The following DNAH1 variants were observed in gnomAD, a reference collection of about 807,000 sequenced individuals.
DNAH1 encodes dynein axonemal heavy chain 1, also known as axonemal beta dynein heavy chain 1.
A neutral mutation model predicts 484.3 loss-of-function variants in DNAH1; 327 were observed. That is an observed-to-expected ratio of 0.68 (90% confidence interval 0.62 to 0.74). The LOEUF (loss-of-function observed/expected upper bound fraction) is 0.74. Among genes scored for constraint, DNAH1 ranks in the 30% least tolerant of loss-of-function variants. DNAH1 has a pLI of 0.00. For missense variants in DNAH1, 5,052 were observed against 5,546.8 expected (o/e 0.91, Z 2.83); for synonymous variants, 2,192 against 2,191.9 (o/e 1.00, Z 0.00).
intron 12 of DNAH1, 30 bp downstream of exon 12, chr3:52,348,004 G>A: frequency 1.3e-6 from 2 of 1,582,924 alleles, no homozygotes; most frequent in Non-Finnish European, 1.7e-6. Context: ...CAGGCCCCAG[G>A]CACCTGCTGC....
At chr3:52,333,165 C>T (rs1701615763) in intron 8 of DNAH1, among the ~76,000 whole-genome samples, 1 of 152,158 alleles carries the variant, frequency 6.6e-6, no homozygotes, top group Non-Finnish European at 1.5e-5. Flanking sequence ...GGATTATAGG[C>T]ATGAGCCATC....
At chr3:52,316,026 C>T (rs1004797371), upstream of DNAH1, among the ~76,000 whole-genome samples, 1 of 152,200 alleles carries the variant, frequency 6.6e-6, no homozygotes, top group African/African-American at 2.4e-5. Context: ...CAGCAGTGAC[C>T]ATCACATGGT....
Position 52,357,943 on chromosome 3 carries a change from G to C in DNAH1, c.4026G>C (p.Gln1342His), listed in dbSNP as rs750380752. Residue 1342 changes from glutamine (Q) to histidine (H), a missense_variant, in exon 24 of 78, where the codon CAG becomes CAC. Transcript: ENST00000420323. ...ATGAACTACTAGAGATCTTGTCGCA[G>C]ACAAAGGACCCCACGGCCGTGCAGC... ...SDDELLEILS[Q>H]TKDPTAVQPH... 147 of 1,613,276 alleles carry C rather than the reference G, an allele frequency of 9.1e-5. 1 individual carries two copies. In the South Asian group the frequency reaches 1.5e-3, roughly 17 times the overall value.
chr3:52,383,658 C>A, intron 51 of DNAH1, 64 bp downstream of exon 51: 1 of 1,471,984 alleles, frequency 6.8e-7, no homozygotes, highest in Non-Finnish European at 9.0e-7. Context: ...TGGGCTGGCC[C>A]CGGGGACACT....
chr3:52,355,620 G>A lies in DNAH1; in HGVS notation c.3693+565G>A, dbSNP rs905051543. Among the ~76,000 whole-genome samples, 1 of 152,210 alleles carries A rather than the reference G, an allele frequency of 6.6e-6. No individual in the cohort carries two copies. Among genetic ancestry groups the A allele is most frequent in the Non-Finnish European group, 1.5e-5 (1 of 68,018 alleles). ...CTGCAGGTGTGATATCCCCTTCCCC[G>A]GGCCTCCCTGATAGCTGCTCAGAGA... On this transcript the variant is annotated intron_variant, in intron 21 of 77. Coordinates refer to ENST00000420323, the MANE Select transcript of DNAH1 (RefSeq NM_015512.5). This position sits in a 1 kb window ranked among gnomAD's most constrained non-coding sequence, Gnocchi z 4.5.
In DNAH1 at chr3:52,345,504, G is replaced by A. The variant is rs1168596096; in HGVS notation, c.1454G>A (p.Ser485Asn). 1.3e-6 allele frequency: 2 copies of A among 1,564,308 alleles called. No individual in the cohort carries two copies. The highest frequency in any genetic ancestry group is 1.7e-6 in the Non-Finnish European group (2 of 1,153,770). ...EEQVPERGLV[S>N]VPKYHFWEQK... ...GCCCCTATCCCTGCAGGGCTGGTGA[G>A]TGTCCCCAAGTACCACTTCTGGGAG... The change falls in exon 10 of 78, where the codon AGT becomes AAT. Residue 485 changes from serine to asparagine, a missense_variant. Physicochemically the swap from Ser to Asn is conservative, Grantham distance 46. This residue lies in a region of DNAH1 where 1,263 missense variants were observed against 1,218.8 expected (regional missense o/e 1.04). Transcript: ENST00000420323.
chr3:52,389,436 G>A (rs772327472), intron 59 of DNAH1, 25 bp from the exon 60 acceptor site: 16 of 1,611,054 alleles, frequency 9.9e-6, no homozygotes, highest in South Asian at 5.5e-5. Context: ...ATGGTGGGGT[G>A]GTCCTGAGTC....
intron 3 of DNAH1, among the ~76,000 whole-genome samples, chr3:52,325,031 T>C (rs1578070717): frequency 6.6e-6 from 1 of 151,572 alleles, no homozygotes; most frequent in Non-Finnish European, 1.5e-5. Flanking sequence ...GTCCTGGGGG[T>C]GGAGTGGTGT....
Position 52,355,131 on chromosome 3 carries a change from C to A in DNAH1, c.3693+76C>A. 6.9e-7 allele frequency: 1 copy of A among 1,453,222 alleles called. No homozygotes were observed. The highest frequency in any genetic ancestry group is 1.2e-5 in the South Asian group (1 of 86,544). The allele number at this position is 1,453,222 out of a possible 1,614,324, so 90.0% of individuals were successfully genotyped here. ...CCGACCCACAGGTGTCACTGATGGT[C>A]TCCGGGTGGGGTTCAAAGCATCGCA... On this transcript the variant is annotated intron_variant, in intron 21 of 77. Transcript: ENST00000420323. The surrounding 1 kb of genome is among the most constrained non-coding windows in gnomAD (Gnocchi z 4.5).
In DNAH1 at chr3:52,361,064, AGGGGAC is replaced by A; in HGVS notation, c.4686-95_4686-90del. The A allele has an allele frequency of 8.4e-7, 1 of 1,195,200 alleles. No individual in the cohort carries two copies. Among genetic ancestry groups the A allele is most frequent in the East Asian group, 3.0e-5 (1 of 32,808 alleles). The allele number at this position is 1,195,200 out of a possible 1,614,324, so 74.0% of individuals were successfully genotyped here. ...GCTGGGCACACCCCAGCCCACCAAAAGGGGACGGGGCGAGAGGCCCCAGTCCACAGG... is the reference window on the plus strand; with the variant it reads ...GCTGGGCACACCCCAGCCCACCAAAAGGGGCGAGAGGCCCCAGTCCACAGG... On this transcript the variant is annotated intron_variant, in intron 28 of 77. Coordinates refer to ENST00000420323, the MANE Select transcript of DNAH1 (RefSeq NM_015512.5). This position sits in a 1 kb window ranked among gnomAD's most constrained non-coding sequence, Gnocchi z 5.6.
At chr3:52,359,607 C>T (rs757504639) in intron 26 of DNAH1, among the ~76,000 whole-genome samples, 12 of 152,328 alleles carry the variant, frequency 7.9e-5, no homozygotes, top group South Asian at 2.1e-4. Flanking sequence ...GAGGGAGCCA[C>T]GCGCCTGGTC....
intron 8 of DNAH1, among the ~76,000 whole-genome samples, chr3:52,340,461 G>A (rs1213585282): frequency 6.6e-6 from 1 of 150,662 alleles, no homozygotes; most frequent in African/African-American, 2.5e-5. Flanking sequence ...TTGAGATGAA[G>A]TCTTGCTCTG....
intron 8 of DNAH1, among the ~76,000 whole-genome samples, chr3:52,340,875 A>ATTTTTTTTTTTTTTTTTTTTTTT (rs112227628): frequency 2.7e-5 from 4 of 150,700 alleles, no homozygotes; most frequent in South Asian, 2.1e-4. Context: ...TTTTTTTTTA[A>ATTTTTTTTTTTTTTTTTTTTTTT]TTTACAGATA....
chr3:52,359,903 C>T lies in DNAH1; in HGVS notation c.4408-13C>T, dbSNP rs1350513612. 1.9e-6 allele frequency: 3 copies of T among 1,613,432 alleles called. No homozygotes were observed. Among genetic ancestry groups the T allele is most frequent in the Non-Finnish European group, 2.5e-6 (3 of 1,179,728 alleles). ...GGTACCCTGATGTTTGACAGTGCAC[C>T]CCATTTCTGCAGCTCAGTGATCTGG... On this transcript the variant is annotated splice_polypyrimidine_tract_variant and intron_variant, in intron 26 of 77. Transcript: ENST00000420323.
At chr3:52,367,166 G>A (rs1035759557) in intron 36 of DNAH1, among the ~76,000 whole-genome samples, 18 of 152,174 alleles carry the variant, frequency 1.2e-4, no homozygotes, top group African/African-American at 4.3e-4. Context: ...TCTGGCCATT[G>A]TCATGACCTG....
chr3:52,344,397 C>A (rs1296809933), intron 8 of DNAH1, 93 bp from the exon 9 acceptor site: 2 of 1,491,912 alleles, frequency 1.3e-6, no homozygotes, highest in African/African-American at 2.8e-5. Context: ...AAATGCGTGT[C>A]CCCAGGTCCA....
intron 6 of DNAH1, among the ~76,000 whole-genome samples, chr3:52,330,199 C>G (rs971888546): frequency 6.6e-6 from 1 of 152,208 alleles, no homozygotes; most frequent in South Asian, 2.1e-4. Flanking sequence ...TATCGAACAC[C>G]TGCAAGGTAC....
At chr3:52,367,576 T>C (rs1379635515) in intron 36 of DNAH1, among the ~76,000 whole-genome samples, 1 of 151,026 alleles carries the variant, frequency 6.6e-6, no homozygotes, top group Admixed American at 6.6e-5. Context: ...TATTCAATGA[T>C]CCTTTTTTTT....
At chr3:52,338,992 C>A (rs1398188265) in intron 8 of DNAH1, among the ~76,000 whole-genome samples, 2 of 151,782 alleles carry the variant, frequency 1.3e-5, no homozygotes, top group African/African-American at 4.8e-5. Context: ...TGAGTTTGTG[C>A]CACTGCACTC....
Sources: allele counts gnomAD v4.1 joint callset (sites outside exome capture counted in the v4.1 genomes callset), GRCh38; gene constraint gnomAD v4.1.1; regional missense constraint gnomAD v4.1.1; non-coding constraint Gnocchi (gnomAD v3.1); transcripts MANE v1.5; gene names NCBI Gene and HGNC (gene_info 2026-07-23, HGNC 2026-07-21).